LMO2: variants seen among roughly 807,000 people sequenced by gnomAD.
The protein encoded by LMO2 is rhombotin-2.
A neutral mutation model predicts 23.2 loss-of-function variants in LMO2; 20 were observed. That is an observed-to-expected ratio of 0.86 (90% CI 0.61 to 1.25). The LOEUF is 1.25. LMO2 is among the 50% of genes most tolerant of loss of function. LMO2 has a pLI of 0.00. For missense variants in LMO2, 270 were observed against 315.3 expected, an observed-to-expected ratio of 0.86 and a Z score of 1.09; for synonymous variants, 123 against 130.2, an observed-to-expected ratio of 0.94 and a Z score of 0.38.
intron 5 of LMO2, among the ~76,000 whole-genome samples, chr11:33,862,715 G>T (rs999027675): frequency 6.6e-6 from 1 of 152,122 alleles, no homozygotes; most frequent in East Asian, 1.9e-4. Context: ...CAAGACCTTG[G>T]CTAAAGGACC....
intron 2 of LMO2, among the ~76,000 whole-genome samples, chr11:33,875,337 G>T (rs753744267): frequency 2.6e-5 from 4 of 152,124 alleles, no homozygotes; most frequent in Non-Finnish European, 5.9e-5. Context: ...TGACACTTTC[G>T]GAGGCTGAGG....
intron 2 of LMO2, 92 bp downstream of exon 2, chr11:33,881,732 A>T (rs1237543626): frequency 3.9e-6 from 1 of 254,476 alleles, no homozygotes; most frequent in Non-Finnish European, 7.8e-6. Flanking sequence ...TAAATCCAAG[A>T]GCCTTCTTAG....
rs551876864 is a variant in LMO2 at position 33,884,505 on chromosome 11, A to G, written c.-335-2618T>C. On this transcript the variant is annotated intron_variant, in intron 1 of 5. Coordinates refer to ENST00000257818, the MANE Select transcript of LMO2 (RefSeq NM_005574.4). ...GGAGCAACTTTTTGCACTCAACTCA[A>G]TTTCTTCAAAATTCACTCCCTAACA... Among the ~76,000 whole-genome samples the G allele has an allele frequency of 5.9e-5, 9 of 152,282 alleles. No individual in the cohort carries two copies. The East Asian group carries it at 1.7e-3, about 29-fold the overall frequency.
intron 5 of LMO2, among the ~76,000 whole-genome samples, chr11:33,860,453 T>C (rs1856528897): frequency 6.6e-6 from 1 of 152,146 alleles, no homozygotes. Context: ...CAGCACTGCC[T>C]GGGAACCTGA....
rs898605734 is a variant in LMO2, at chr11:33,864,651, G to A, written c.415C>T (p.Arg139Cys). Reference protein sequence around the residue: ...CGCRLGEVGRRLYYKLGRKLC... With the variant: ...CGCRLGEVGRCLYYKLGRKLC... ...TTCCGGCCCAGTTTGTAGTAGAGGC[G>A]CCGCCCCACCTCACCCAGCCGGCAG... is the stretch of plus-strand genomic sequence containing the variant. The change falls in exon 5 of 6, where the codon CGC becomes TGC. Residue 139 changes from arginine to cysteine, a missense_variant. Transcript: ENST00000257818. The surrounding 1 kb of genome is among the most constrained non-coding windows in gnomAD (Gnocchi z 4.8). 45 of 1,613,906 alleles carry A rather than the reference G, an allele frequency of 2.8e-5. No homozygotes were observed. Among genetic ancestry groups the A allele is most frequent in the Middle Eastern group, 1.7e-4 (1 of 6,052 alleles).
Position 33,869,766 on chromosome 11 carries a change from G to A in LMO2, c.-50C>T. On this transcript the variant is annotated 5_prime_UTR_variant, in exon 3 of 6. Transcript: ENST00000257818. ...CGGTCCCTCTCGCGCGCTGTCGCCG[G>A]CTCCGCGCCGCCCGCGGGGATGGTG... 4.2e-6 allele frequency: 5 copies of A among 1,182,890 alleles called. No individual in the cohort carries two copies. Among genetic ancestry groups the A allele is most frequent in the South Asian group, 3.5e-5 (1 of 28,888 alleles). 73.3% of individuals were successfully genotyped at this position (1,182,890 alleles called of 1,614,324 possible).
At chr11:33,883,924 C>G (rs1000821380) in intron 1 of LMO2, among the ~76,000 whole-genome samples, 1 of 152,076 alleles carries the variant, frequency 6.6e-6, no homozygotes, top group Non-Finnish European at 1.5e-5. Flanking sequence ...AAGTAAGGGT[C>G]TGGGTATGGG....
chr11:33,863,565 C>A (rs563532936), intron 5 of LMO2, among the ~76,000 whole-genome samples: 2 of 152,248 alleles, frequency 1.3e-5, no homozygotes, highest in East Asian at 3.9e-4. Context: ...ACCCTCTGCT[C>A]CAGGAAAACG....
chr11:33,864,819 T>G lies in LMO2; in HGVS notation c.249-2A>C. On this transcript the variant is annotated splice_acceptor_variant, in intron 4 of 5. Coordinates refer to ENST00000257818, the MANE Select transcript of LMO2 (RefSeq NM_005574.4). LOFTEE classifies it high-confidence loss of function. The surrounding 1 kb of genome is among the most constrained non-coding windows in gnomAD (Gnocchi z 4.8). ...TGCAGCACCTCATCCACTGGTTCCCTGGAGAGAAGGCCAAGCATCAGGGAC... is the reference window on the plus strand; with the variant it reads ...TGCAGCACCTCATCCACTGGTTCCCGGGAGAGAAGGCCAAGCATCAGGGAC... The G allele has an allele frequency of 1.2e-6, 2 of 1,613,068 alleles. No homozygotes were observed. Among genetic ancestry groups the G allele is most frequent in the African/African-American group, 1.3e-5 (1 of 75,000 alleles).
At chr11:33,863,511 A>C (rs1421624393) in intron 5 of LMO2, among the ~76,000 whole-genome samples, 1 of 152,234 alleles carries the variant, frequency 6.6e-6, no homozygotes, top group Non-Finnish European at 1.5e-5. Flanking sequence ...ACAAGCTTCC[A>C]TGGGTTGGAT....
chr11:33,868,609 G>T (rs923799433), intron 4 of LMO2, among the ~76,000 whole-genome samples: 1 of 152,198 alleles, frequency 6.6e-6, no homozygotes, highest in Non-Finnish European at 1.5e-5. Context: ...TAGAGCTCTG[G>T]TTCCCTGACC....
At chr11:33,869,671 C>G (rs1419386952) in intron 3 of LMO2, 39 bp downstream of exon 3, 12 of 1,264,690 alleles carry the variant, frequency 9.5e-6, no homozygotes, top group Admixed American at 8.1e-5. Flanking sequence ...CAGCCTGGCT[C>G]CAGGCGGCTG....
intron 2 of LMO2, 84 bp from the exon 3 acceptor site, chr11:33,870,071 T>C (rs1856968767): frequency 3.9e-5 from 3 of 77,720 alleles, no homozygotes; most frequent in South Asian, 4.7e-4. Context: ...TTTTTCTTCC[T>C]TTTTTTTTTT....
At position 33,869,969 on chromosome 11, in the gene LMO2, T is replaced by A; in HGVS notation, c.-253A>T. The A allele has an allele frequency of 3.9e-6, 4 of 1,035,450 alleles. No homozygotes were observed. The highest frequency in any genetic ancestry group is 4.6e-6 in the Non-Finnish European group (4 of 861,370). The allele number at this position is 1,035,450 out of a possible 1,614,324, so 64.1% of individuals were successfully genotyped here. A position where few individuals can be genotyped will look rare whatever the true frequency, so the allele number is the denominator to read the frequency against. On this transcript the variant is annotated 5_prime_UTR_variant, in exon 3 of 6. Coordinates refer to ENST00000257818, the MANE Select transcript of LMO2 (RefSeq NM_005574.4). ...TTTTCGCTCAGCTTCCCTCTGTCTC[T>A]GGTTTCATTTCCTTTTTCCTGATCA...
At chr11:33,871,458 C>T (rs1392814835) in intron 2 of LMO2, among the ~76,000 whole-genome samples, 1 of 150,352 alleles carries the variant, frequency 6.7e-6, no homozygotes, top group Non-Finnish European at 1.5e-5. Context: ...ATCCTAGCTA[C>T]TCGGGAGGCG....
chr11:33,879,840 T>C (rs981507560), intron 2 of LMO2, among the ~76,000 whole-genome samples: 10 of 152,174 alleles, frequency 6.6e-5, no homozygotes, highest in African/African-American at 2.4e-4. Context: ...AATGCACAAG[T>C]GTTAACAAGT....
At chr11:33,887,818 C>G (rs1183147579) in intron 1 of LMO2, among the ~76,000 whole-genome samples, 2 of 152,160 alleles carry the variant, frequency 1.3e-5, no homozygotes, top group African/African-American at 4.8e-5. Context: ...AAGCCATCTG[C>G]CCGCCTTGGC....
rs1857245584 is a variant in LMO2, at chr11:33,880,259, AT to A, written c.-272+1564del. 6.7e-6 allele frequency among the ~76,000 whole-genome samples: 1 copy of A among 148,980 alleles called. No individual in the cohort carries two copies. Among genetic ancestry groups the A allele is most frequent in the Non-Finnish European group, 1.5e-5 (1 of 67,452 alleles). On this transcript the variant is annotated intron_variant, in intron 2 of 5. Coordinates refer to ENST00000257818, the MANE Select transcript of LMO2 (RefSeq NM_005574.4). This position sits in a 1 kb window ranked among gnomAD's most constrained non-coding sequence, Gnocchi z 4.3. Reference sequence around the variant, plus strand: ...TATATCATATATACACATGATATATATATCATACATACACATGATATATATC... The same window carrying A: ...TATATCATATATACACATGATATATAATCATACATACACATGATATATATC...
chr11:33,871,215 G>C (rs1301357136), intron 2 of LMO2: 1 of 133,630 alleles, frequency 7.5e-6, no homozygotes, highest in African/African-American at 2.9e-5. Context: ...GTGTGTGTGT[G>C]TGTGTGTGTG....
Sources: allele counts gnomAD v4.1 joint callset (sites outside exome capture counted in the v4.1 genomes callset), GRCh38; gene constraint gnomAD v4.1.1; non-coding constraint Gnocchi (gnomAD v3.1); transcripts MANE v1.5; gene names NCBI Gene and HGNC (gene_info 2026-07-23, HGNC 2026-07-21).